Variants in GPX4 observed in about 807,000 individuals in gnomAD.
GPX4 encodes the protein phospholipid hydroperoxide glutathione peroxidase GPX4.
Under a neutral mutation model 27.8 loss-of-function variants are expected in GPX4, and 28 were observed. The ratio of observed to expected loss-of-function variants is 1.01; its 90% confidence interval spans 0.75 to 1.38. The LOEUF is 1.38. Ranked by LOEUF, GPX4 falls within the 40% of genes most tolerant of loss-of-function variation. GPX4 has a pLI of 0.00. For missense variants in GPX4, 357 were observed against 274.1 expected, an observed-to-expected ratio of 1.30 and a Z score of -2.14; for synonymous variants, 163 against 107.8, an observed-to-expected ratio of 1.51 and a Z score of -3.17.
At chr19:1,105,942 C>A in intron 4 of GPX4, 133 bp downstream of exon 4, 1 of 1,102,478 alleles carries the variant, frequency 9.1e-7, no homozygotes, top group Non-Finnish European at 1.3e-6. Flanking sequence ...ACTCTCACAT[C>A]GCGTGGCCTC....
chr19:1,106,637 A>G lies in GPX4; in HGVS notation c.*65A>G, dbSNP rs1180734165. The stretch of plus-strand genomic sequence containing the variant: ...CCCTTGGAGCCTTCCACCGGCACTC[A>G]TGACGGCCTGCCTGCAAACCTGCTG... On this transcript the variant is annotated 3_prime_UTR_variant, in exon 7 of 7. Coordinates refer to ENST00000354171, the MANE Select transcript of GPX4 (RefSeq NM_002085.5). 3 of 1,601,850 alleles carry G rather than the reference A, an allele frequency of 1.9e-6. No homozygotes were observed. Among genetic ancestry groups the G allele is most frequent in the South Asian group, 1.1e-5 (1 of 89,966 alleles).
At position 1,106,535 on chromosome 19, in the gene GPX4, G is replaced by C. The variant is rs759367637; in HGVS notation, c.562-5G>C. 1 of 1,613,190 alleles carries C rather than the reference G, an allele frequency of 6.2e-7. No individual in the cohort carries two copies. On this transcript the variant is annotated splice_polypyrimidine_tract_variant and splice_region_variant and intron_variant, in intron 6 of 6. Coordinates refer to ENST00000354171, the MANE Select transcript of GPX4 (RefSeq NM_002085.5). ...CTGCCCTAACCCAGCTTTCCTCCCC[G>C]ACAGGTGATAGAGAAGGACCTGCCC...
intron 5 of GPX4, 44 bp downstream of exon 5, chr19:1,106,310 C>T: frequency 1.2e-6 from 2 of 1,607,340 alleles, no homozygotes; most frequent in Admixed American, 1.7e-5. Flanking sequence ...CCCCTGGCCA[C>T]AGCCGTGGCC....
In GPX4 at chr19:1,105,443, T is replaced by C. The variant is rs745707351; in HGVS notation, c.257T>C (p.Leu86Pro). 2.5e-6 allele frequency: 4 copies of C among 1,612,560 alleles called. No homozygotes were observed. The highest frequency in any genetic ancestry group is 3.4e-6 in the Non-Finnish European group (4 of 1,179,746). The change falls in exon 3 of 7, where the codon CTG (leucine) becomes CCG (proline). Residue 86 changes from leucine (L) to proline (P), a missense_variant. Leu to Pro is a moderately conservative substitution (Grantham distance 98, BLOSUM62 -3). Transcript: ENST00000354171. The part of the protein sequence containing the change: ...TEVNYTQLVD[L>P]HARYAECGLR... ...GTAAACTACACTCAGCTCGTCGACC[T>C]GCACGCCCGATACGCTGAGTGTGGT...
chr19:1,105,602 G>A (rs1296440968), intron 3 of GPX4, 56 bp from the exon 4 acceptor site: 6 of 1,599,560 alleles, frequency 3.8e-6, no homozygotes, highest in South Asian at 2.2e-5. Context: ...TGTGCAGGGG[G>A]CCCGGACTGA....
chr19:1,105,771 G>A lies in GPX4; in HGVS notation c.438G>A (p.Trp146Ter). Residue 146 changes from tryptophan to a stop codon, truncating the protein, a stop_gained, in exon 4 of 7, where the codon TGG becomes TGA. Coordinates refer to ENST00000354171, the MANE Select transcript of GPX4 (RefSeq NM_002085.5). LOFTEE classifies it high-confidence loss of function. ...NGDDAHPLWK[W>*]MKIQPKGKGI... is the part of the protein sequence containing the mutation. ...ACGACGCCCACCCGCTGTGGAAGTG[G>A]ATGAAGATCCAACCCAAGGGCAAGG... The A allele has an allele frequency of 6.8e-7, 1 of 1,479,364 alleles. No individual in the cohort carries two copies. Among genetic ancestry groups the A allele is most frequent in the Non-Finnish European group, 9.1e-7 (1 of 1,099,414 alleles). The allele number at this position is 1,479,364 out of a possible 1,614,324, so 91.6% of individuals were successfully genotyped here.
rs201688509 is a variant in GPX4 at position 1,106,210 on chromosome 19, G to A, written c.477-32G>A. 1,378 of 1,584,228 alleles carry A rather than the reference G, an allele frequency of 8.7e-4. 8 individuals carry two copies. The Middle Eastern group carries it at 0.015, about 17-fold the overall frequency. ...GCTTGGGGACTGTGGGGGGCTGCTG[G>A]GGACGCTCACGTCCATGTGCTTCTT... On this transcript the variant is annotated intron_variant, in intron 4 of 6. Transcript: ENST00000354171.
At position 1,105,676 on chromosome 19, in the gene GPX4, G is replaced by A; in HGVS notation, c.343G>A (p.Glu115Lys). The stretch of plus-strand genomic sequence containing the variant: ...GCCACAGGAGCCAGGGAGTAACGAA[G>A]AGATCAAAGAGTTCGCCGCGGGCTA... Reference protein sequence around the residue: ...FGKQEPGSNEEIKEFAAGYNV... With the variant: ...FGKQEPGSNEKIKEFAAGYNV... Residue 115 changes from glutamate to lysine, a missense_variant, in exon 4 of 7, where the codon GAG (glutamate) becomes AAG (lysine). Coordinates refer to ENST00000354171, the MANE Select transcript of GPX4 (RefSeq NM_002085.5). 4 of 1,613,084 alleles carry A rather than the reference G, an allele frequency of 2.5e-6. No homozygotes were observed. Among genetic ancestry groups the A allele is most frequent in the Non-Finnish European group, 3.4e-6 (4 of 1,179,722 alleles).
chr19:1,106,237 T>C lies in GPX4; in HGVS notation c.477-5T>C. The C allele has an allele frequency of 6.3e-7, 1 of 1,589,958 alleles. No homozygotes were observed. The highest frequency in any genetic ancestry group is 8.6e-7 in the Non-Finnish European group (1 of 1,167,316). On this transcript the variant is annotated splice_region_variant and splice_polypyrimidine_tract_variant and intron_variant, in intron 4 of 6. Coordinates refer to ENST00000354171, the MANE Select transcript of GPX4 (RefSeq NM_002085.5). ...GACGCTCACGTCCATGTGCTTCTTTTCCAGTGCCATCAAGTGGAACTTCAC... is the reference window on the plus strand; with the variant it reads ...GACGCTCACGTCCATGTGCTTCTTTCCCAGTGCCATCAAGTGGAACTTCAC...
intron 1 of GPX4, 141 bp from the exon 2 acceptor site, chr19:1,105,045 A>G (rs1242661073): frequency 1.2e-5 from 17 of 1,466,672 alleles, no homozygotes; most frequent in South Asian, 1.3e-5. Flanking sequence ...GTGTGCGTTT[A>G]AGGAGGAGGA....
In GPX4 at chr19:1,105,690, C is replaced by A. The variant is rs757440433; in HGVS notation, c.357C>A (p.Phe119Leu). 3.1e-6 allele frequency: 5 copies of A among 1,612,774 alleles called. No homozygotes were observed. In the East Asian group the frequency reaches 1.1e-4, roughly 36 times the overall value. ...GGAGTAACGAAGAGATCAAAGAGTT[C>A]GCCGCGGGCTACAACGTCAAATTCG... ...EPGSNEEIKEFAAGYNVKFDM... is the reference protein window; with the variant it reads ...EPGSNEEIKELAAGYNVKFDM... The change falls in exon 4 of 7, where the codon TTC (phenylalanine) becomes TTA (leucine). Residue 119 changes from phenylalanine (F) to leucine (L), a missense_variant. By Grantham distance (22) the Phe-to-Leu change is conservative. Coordinates refer to ENST00000354171, the MANE Select transcript of GPX4 (RefSeq NM_002085.5).
chr19:1,106,075 A>T, intron 4 of GPX4, 167 bp from the exon 5 acceptor site: 1 of 574,994 alleles, frequency 1.7e-6, no homozygotes, highest in Non-Finnish European at 2.8e-6. Flanking sequence ...TGGGACTCTC[A>T]CACTGCATGG....
chr19:1,105,963 G>C, intron 4 of GPX4, 154 bp downstream of exon 4: 1 of 934,490 alleles, frequency 1.1e-6, no homozygotes, highest in Admixed American at 2.3e-5. Flanking sequence ...CTGGGGGTAA[G>C]ATGGCTCAGG....
Position 1,104,036 on chromosome 19 carries a change from C to A in GPX4, c.-8C>A. 1 of 1,518,684 alleles carries A rather than the reference C, an allele frequency of 6.6e-7. No individual in the cohort carries two copies. The highest frequency in any genetic ancestry group is 2.3e-4 in the Middle Eastern group (1 of 4,324). The allele number at this position is 1,518,684 out of a possible 1,614,324, so 94.1% of individuals were successfully genotyped here. A position where few individuals can be genotyped will look rare whatever the true frequency, so the allele number is the denominator to read the frequency against. On this transcript the variant is annotated 5_prime_UTR_variant, in exon 1 of 7. Coordinates refer to ENST00000354171, the MANE Select transcript of GPX4 (RefSeq NM_002085.5). ...GGGGAGGAGCCGCTGGCTCCCAGCCCCGCCGCGATGAGCCTCGGCCGCCTT... is the reference window on the plus strand; with the variant it reads ...GGGGAGGAGCCGCTGGCTCCCAGCCACGCCGCGATGAGCCTCGGCCGCCTT...
intron 1 of GPX4, 110 bp from the exon 2 acceptor site, chr19:1,105,076 G>A: frequency 1.3e-6 from 2 of 1,485,884 alleles, no homozygotes; most frequent in African/African-American, 1.4e-5. Context: ...CTTCAGGGCC[G>A]CAGGGCCTCG....
intron 1 of GPX4, 41 bp downstream of exon 1, chr19:1,104,168 G>T: frequency 7.2e-7 from 1 of 1,394,606 alleles, no homozygotes; most frequent in South Asian, 1.6e-5. Context: ...GGTGACCGTT[G>T]GGGCGGGCGC....
chr19:1,104,319 C>T (rs2079623188), intron 1 of GPX4, 192 bp downstream of exon 1: 2 of 544,372 alleles, frequency 3.7e-6, no homozygotes, highest in Admixed American at 4.4e-5. Context: ...CCGCGGCCCT[C>T]CAGGCCGTTG....
rs1283607831 is a variant in GPX4 at position 1,105,438 on chromosome 19, C to T, written c.252C>T (p.Val84=). 4 of 1,612,390 alleles carry T rather than the reference C, an allele frequency of 2.5e-6. No individual in the cohort carries two copies. The South Asian group carries it at 3.3e-5, about 13-fold the overall frequency. The change falls in exon 3 of 7, where the codon GTC becomes GTT. Residue 84 remains valine, a synonymous_variant. Transcript: ENST00000354171. ...CCGAAGTAAACTACACTCAGCTCGT[C>T]GACCTGCACGCCCGATACGCTGAGT... ...GKTEVNYTQL[V]DLHARYAECG...
At chr19:1,104,427 T>G in intron 1 of GPX4, 3 of 321,046 alleles carry the variant, frequency 9.3e-6, no homozygotes, top group Non-Finnish European at 1.1e-5. Context: ...CAGGCGCGCG[T>G]GCCGGGGCCG....
Sources: allele counts gnomAD v4.1 joint callset, GRCh38; gene constraint gnomAD v4.1.1; transcripts MANE v1.5; gene names NCBI Gene and HGNC (gene_info 2026-07-23, HGNC 2026-07-21).